CBLB: variants seen among roughly 807,000 people sequenced by gnomAD.
CBLB encodes Cbl proto-oncogene B, also known as E3 ubiquitin-protein ligase CBL-B.
In CBLB, 31 loss-of-function variants were observed where a neutral mutation model predicts 104.9. The ratio of observed to expected loss-of-function variants is 0.30; its 90% CI spans 0.22 to 0.40. The LOEUF is 0.40. Ranked by LOEUF, CBLB falls within the 10% of genes least tolerant of loss-of-function variation. CBLB has a pLI of 1.00. For missense variants in CBLB, 1,062 were observed against 1,214.6 expected (o/e 0.87, Z 1.87); for synonymous variants, 440 against 422.6 (o/e 1.04, Z -0.51).
chr3:105,693,669 A>C (rs1045291120), intron 12 of CBLB, 81 bp from the exon 13 acceptor site: 3 of 877,512 alleles, frequency 3.4e-6, no homozygotes, highest in Non-Finnish European at 5.7e-6. Context: ...ACCATTCTGA[A>C]GACAATATGT....
chr3:105,776,398 G>T lies in CBLB; in HGVS notation c.564C>A (p.Asp188Glu). ...CTATAAAAATGATTTTTACTTACTTGTCTCCAAAAAACTTTCTCCAGAATT... is the reference window on the plus strand; with the variant it reads ...CTATAAAAATGATTTTTACTTACTTTTCTCCAAAAAACTTTCTCCAGAATT... Reference protein sequence around the residue: ...AAEFWRKFFGDKTIVPWKVFR... With the variant: ...AAEFWRKFFGEKTIVPWKVFR... Residue 188 changes from aspartate to glutamate, a missense_variant and splice_region_variant, in exon 4 of 19, where the codon GAC becomes GAA. This residue lies in a region of CBLB where 457 missense variants were observed against 632.0 expected (regional missense o/e 0.72). Transcript: ENST00000394030. 2 of 1,613,104 alleles carry T rather than the reference G, an allele frequency of 1.2e-6. No homozygotes were observed. The highest frequency in any genetic ancestry group is 2.2e-5 in the South Asian group (2 of 91,060).
rs866175017 is a variant in CBLB, at chr3:105,867,953, C to T, written c.-14-362G>A. 3.4e-4 allele frequency among the ~76,000 whole-genome samples: 52 copies of T among 152,200 alleles called. 1 individual carries two copies. Among genetic ancestry groups the T allele is most frequent in the Middle Eastern group, 3.4e-3 (1 of 294 alleles). On this transcript the variant is annotated intron_variant, in intron 1 of 18. Transcript: ENST00000394030. ...GATAAAAACAGAATGTTCTTCCCCT[C>T]CTGCCTTAATTCCAATTCAAAATAC... is the stretch of plus-strand genomic sequence containing the variant.
chr3:105,728,602 A>C (rs556434608), intron 9 of CBLB, among the ~76,000 whole-genome samples: 148 of 152,304 alleles, frequency 9.7e-4, no homozygotes, highest in Middle Eastern at 3.4e-3. Context: ...ACGTTTTGTT[A>C]ATGTCCCATT....
At chr3:105,670,853 T>C (rs2064993409) in intron 17 of CBLB, 1 of 160,546 alleles carries the variant, frequency 6.2e-6, no homozygotes, top group Admixed American at 6.3e-5. Context: ...ATTAAATGAA[T>C]TTGTGCATGT....
At position 105,681,550 on chromosome 3, in the gene CBLB, C is replaced by G; in HGVS notation, c.2357G>C (p.Arg786Pro). Residue 786 changes from arginine to proline, a missense_variant, in exon 16 of 19, where the codon CGG (arginine) becomes CCG (proline). By Grantham distance (103) the Arg-to-Pro change is moderately radical. This residue lies in a region of CBLB where 605 missense variants were observed against 582.6 expected (regional missense o/e 1.04). Transcript: ENST00000394030. ...VPLPPARPPT[R>P]DNPKHGSSLN... is the part of the protein sequence containing the mutation. The stretch of plus-strand genomic sequence containing the variant: ...TGAAGAACCATGCTTTGGATTGTCC[C>G]GAGTTGGAGGCCTGGCAGGTGGTAA... 6.2e-7 allele frequency: 1 copy of G among 1,613,890 alleles called. No homozygotes were observed. Among genetic ancestry groups the G allele is most frequent in the South Asian group, 1.1e-5 (1 of 91,060 alleles).
At chr3:105,797,133 GTA>G (rs2082335774) in intron 3 of CBLB, among the ~76,000 whole-genome samples, 1 of 152,116 alleles carries the variant, frequency 6.6e-6, no homozygotes, top group Non-Finnish European at 1.5e-5. Flanking sequence ...ACACGTGAAC[GTA>G]TATGTTTACT....
rs566275534 is a variant in CBLB, at chr3:105,657,026, A to T, written c.*1944T>A. The T allele has an allele frequency of 1.0e-3, 236 of 225,558 alleles. No individual in the cohort carries two copies. The highest frequency in any genetic ancestry group is 1.8e-3 in the Non-Finnish European group (198 of 113,098). The allele number at this position is 225,558 out of a possible 1,614,324, so 14.0% of individuals were successfully genotyped here. On this transcript the variant is annotated 3_prime_UTR_variant, in exon 19 of 19. Coordinates refer to ENST00000394030, the MANE Select transcript of CBLB (RefSeq NM_170662.5). The stretch of plus-strand genomic sequence containing the variant: ...ATGGGAAGAACATCTAAGGCAAATG[A>T]AAAATTCCCCTCCAGGGACATAACC...
chr3:105,836,945 T>A (rs2088612082), intron 3 of CBLB, among the ~76,000 whole-genome samples: 1 of 139,252 alleles, frequency 7.2e-6, no homozygotes, highest in African/African-American at 2.7e-5. Context: ...GCTGATATGC[T>A]CACATCAAAA....
chr3:105,838,907 C>T (rs1464746065), intron 3 of CBLB, among the ~76,000 whole-genome samples: 2 of 152,112 alleles, frequency 1.3e-5, no homozygotes, highest in East Asian at 1.9e-4. Flanking sequence ...TGAGCCATCA[C>T]GCCCGGCCCC....
At chr3:105,777,612 C>G (rs1331675752) in intron 3 of CBLB, among the ~76,000 whole-genome samples, 2 of 151,974 alleles carry the variant, frequency 1.3e-5, no homozygotes, top group Non-Finnish European at 2.9e-5. Flanking sequence ...CAGGGTGAGA[C>G]AATGTCTCAA....
intron 18 of CBLB, among the ~76,000 whole-genome samples, chr3:105,667,329 A>C (rs931847851): frequency 6.6e-6 from 1 of 152,122 alleles, no homozygotes; most frequent in African/African-American, 2.4e-5. Context: ...ATGGTATTCA[A>C]ACTGTAGTAC....
chr3:105,721,037 TAAAG>T (rs949041601), intron 9 of CBLB, among the ~76,000 whole-genome samples: 4 of 152,210 alleles, frequency 2.6e-5, no homozygotes, highest in African/African-American at 9.6e-5. Flanking sequence ...TGCAGGGAAA[TAAAG>T]ACTGTTTTCT....
intron 3 of CBLB, among the ~76,000 whole-genome samples, chr3:105,802,542 G>A (rs1354937023): frequency 2.6e-5 from 4 of 152,264 alleles, no homozygotes; most frequent in East Asian, 1.9e-4. Flanking sequence ...AAGGTCCCAC[G>A]GGATTTGTAA....
intron 13 of CBLB, among the ~76,000 whole-genome samples, chr3:105,687,540 A>G (rs576051787): frequency 3.5e-4 from 53 of 152,178 alleles, no homozygotes; most frequent in Admixed American, 1.3e-3. Flanking sequence ...GTCAACTTAC[A>G]CAGATTTTAG....
intron 12 of CBLB, among the ~76,000 whole-genome samples, chr3:105,694,188 C>T (rs1376739592): frequency 6.6e-6 from 1 of 151,856 alleles, no homozygotes; most frequent in Non-Finnish European, 1.5e-5. Context: ...AACACACAAA[C>T]CACAATTTCT....
At chr3:105,771,303 T>C (rs1163475055) in intron 4 of CBLB, among the ~76,000 whole-genome samples, 1 of 152,112 alleles carries the variant, frequency 6.6e-6, no homozygotes, top group African/African-American at 2.4e-5. Flanking sequence ...ATCATCTCAA[T>C]AGACCCAGAA....
chr3:105,713,726 T>G (rs2071435267), intron 10 of CBLB, among the ~76,000 whole-genome samples: 1 of 152,050 alleles, frequency 6.6e-6, no homozygotes, highest in Non-Finnish European at 1.5e-5. Flanking sequence ...GTAAACAGAG[T>G]GCAAGTAAAC....
chr3:105,675,129 G>T (rs531380773), intron 17 of CBLB, among the ~76,000 whole-genome samples: 3 of 152,246 alleles, frequency 2.0e-5, no homozygotes, highest in Admixed American at 6.5e-5. Context: ...CTCTTCCTAA[G>T]ACACCTATCA....
chr3:105,853,561 T>C lies in CBLB; in HGVS notation c.272A>G (p.Lys91Arg), dbSNP rs749347935. Residue 91 changes from lysine to arginine, a missense_variant, in exon 3 of 19, where the codon AAA becomes AGA. Physicochemically the swap from Lys to Arg is conservative, Grantham distance 26. Coordinates refer to ENST00000394030, the MANE Select transcript of CBLB (RefSeq NM_170662.5). ...GGCAAGTTTCTGGTTGTCATCATATTTACTCAATATAAGTCGTAAATGCTG... is the reference window on the plus strand; with the variant it reads ...GGCAAGTTTCTGGTTGTCATCATATCTACTCAATATAAGTCGTAAATGCTG... ...TYQHLRLILSKYDDNQKLAQL... is the reference protein window; with the variant it reads ...TYQHLRLILSRYDDNQKLAQL... 1.9e-6 allele frequency: 3 copies of C among 1,613,334 alleles called. No individual in the cohort carries two copies. The highest frequency in any genetic ancestry group is 2.2e-5 in the South Asian group (2 of 91,070).
Sources: allele counts gnomAD v4.1 joint callset (sites outside exome capture counted in the v4.1 genomes callset), GRCh38; gene constraint gnomAD v4.1.1; regional missense constraint gnomAD v4.1.1; transcripts MANE v1.5; gene names NCBI Gene and HGNC (gene_info 2026-07-23, HGNC 2026-07-21).